CACNA1I: variants seen among roughly 807,000 people sequenced by gnomAD.
CACNA1I encodes the protein voltage-dependent T-type calcium channel subunit alpha-1I.
Under a neutral mutation model 201.6 loss-of-function variants are expected in CACNA1I, and 74 were observed. The ratio of observed to expected loss-of-function variants is 0.37; its 90% CI spans 0.30 to 0.45. CACNA1I has a LOEUF of 0.45. Among genes scored for constraint, CACNA1I ranks in the 20% least tolerant of loss-of-function variants. The pLI, the probability that CACNA1I is intolerant of heterozygous loss-of-function variation, is 1.00. For synonymous variants in CACNA1I, 1,431 were observed against 1,345.2 expected, an observed-to-expected ratio of 1.06 and a Z score of -1.40; for missense variants, 2,346 against 3,138.1, an observed-to-expected ratio of 0.75 and a Z score of 6.03.
At chr22:39,656,459 C>G in intron 10 of CACNA1I, 2 of 518,132 alleles carry the variant, frequency 3.9e-6, no homozygotes, top group Non-Finnish European at 7.7e-6. Context: ...CTCCCCTAGC[C>G]ACCCCCCACT....
Position 39,685,971 on chromosome 22 carries a change from C to T in CACNA1I, c.6238C>T (p.Leu2080=). The T allele has an allele frequency of 3.2e-6, 4 of 1,257,110 alleles. No individual in the cohort carries two copies. Among genetic ancestry groups the T allele is most frequent in the Non-Finnish European group, 4.0e-6 (4 of 1,007,946 alleles). 77.9% of individuals were successfully genotyped at this position (1,257,110 alleles called of 1,614,324 possible). A position where few individuals can be genotyped will look rare whatever the true frequency, so the allele number is the denominator to read the frequency against. The change falls in exon 37 of 37, where the codon CTG becomes TTG. Residue 2080 remains leucine (L), a synonymous_variant. Coordinates refer to ENST00000402142, the MANE Select transcript of CACNA1I (RefSeq NM_021096.4). This position sits in a 1 kb window ranked among gnomAD's most constrained non-coding sequence, Gnocchi z 5.0. ...CCGGGGCCTCTTCAGCCTGCGGGGG[C>T]TGCGGGCGCATCAGCGCAGCCACAG... ...RGRGLFSLRG[L]RAHQRSHSSG...
chr22:39,673,904 G>T, intron 28 of CACNA1I, 59 bp from the exon 29 acceptor site: 2 of 1,530,540 alleles, frequency 1.3e-6, no homozygotes, highest in East Asian at 2.3e-5. Flanking sequence ...ACACATGCGT[G>T]CACACACACG....
intron 24 of CACNA1I, 31 bp from the exon 25 acceptor site, chr22:39,670,007 G>A (rs1569093551): frequency 6.2e-7 from 1 of 1,611,550 alleles, no homozygotes; most frequent in African/African-American, 1.3e-5. Context: ...GGCCCAATCA[G>A]CCTCCTCAGC....
chr22:39,665,612 C>T lies in CACNA1I; in HGVS notation c.3966C>T (p.Ile1322=). The T allele has an allele frequency of 1.2e-6, 2 of 1,613,766 alleles. No homozygotes were observed. The highest frequency in any genetic ancestry group is 8.5e-7 in the Non-Finnish European group (1 of 1,179,772). ...GTGCCTTCTTCATCATCTTTGGCATCCTGGGAGTGCAGGTGAGGGGTGCCC... is the reference window on the plus strand; with the variant it reads ...GTGCCTTCTTCATCATCTTTGGCATTCTGGGAGTGCAGGTGAGGGGTGCCC... ...ICCAFFIIFG[I]LGVQLFKGKF... is the part of the protein sequence containing the mutation. The change falls in exon 22 of 37, where the codon ATC becomes ATT. Residue 1322 remains isoleucine, a synonymous_variant. Coordinates refer to ENST00000402142, the MANE Select transcript of CACNA1I (RefSeq NM_021096.4). This position sits in a 1 kb window ranked among gnomAD's most constrained non-coding sequence, Gnocchi z 5.5.
At chr22:39,642,697 C>T (rs1013336449) in intron 6 of CACNA1I, 100 bp from the exon 7 acceptor site, 7 of 738,660 alleles carry the variant, frequency 9.5e-6, no homozygotes, top group South Asian at 3.2e-5. Context: ...ATGTGTGATG[C>T]GTTCTGGCAC....
In CACNA1I at chr22:39,648,042, T is replaced by G; in HGVS notation, c.1567+116T>G. The G allele has an allele frequency of 2.3e-6, 2 of 856,622 alleles. No homozygotes were observed. Among genetic ancestry groups the G allele is most frequent in the East Asian group, 2.6e-5 (1 of 37,812 alleles). The allele number at this position is 856,622 out of a possible 1,614,324, so 53.1% of individuals were successfully genotyped here. A position where few individuals can be genotyped will look rare whatever the true frequency, so the allele number is the denominator to read the frequency against. ...GACGGCGCTTGAGCAGCCGCGACCC[T>G]CTGCAGGCCTGTCTCCCTCTATAAA... On this transcript the variant is annotated intron_variant, in intron 9 of 36. Transcript: ENST00000402142. The surrounding 1 kb of genome is among the most constrained non-coding windows in gnomAD (Gnocchi z 5.4).
At position 39,684,376 on chromosome 22, in the gene CACNA1I, G is replaced by T. The variant is rs763258285; in HGVS notation, c.5905G>T (p.Val1969Leu). The change falls in exon 36 of 37, where the codon GTG becomes TTG. Residue 1969 changes from valine to leucine, a missense_variant. Physicochemically the swap from Val to Leu is conservative, Grantham distance 32. Around this residue, in one of 13 missense-constraint regions of CACNA1I, gnomAD observed 441 missense variants for 555.6 expected, o/e 0.79. Transcript: ENST00000402142. The surrounding 1 kb of genome is among the most constrained non-coding windows in gnomAD (Gnocchi z 4.6). ...PMPAEFFHPA[V>L]SASQKGPEKG... ...GCCAGCCGAGTTCTTCCACCCTGCAGTGTCTGCCAGCCAGAAAGGCCCAGA... is the reference window on the plus strand; with the variant it reads ...GCCAGCCGAGTTCTTCCACCCTGCATTGTCTGCCAGCCAGAAAGGCCCAGA... 1.9e-6 allele frequency: 3 copies of T among 1,613,646 alleles called. No individual in the cohort carries two copies. The highest frequency in any genetic ancestry group is 2.5e-6 in the Non-Finnish European group (3 of 1,179,848).
At position 39,659,324 on chromosome 22, in the gene CACNA1I, C is replaced by A; in HGVS notation, c.2331-109C>A. On this transcript the variant is annotated intron_variant, in intron 12 of 36. Coordinates refer to ENST00000402142, the MANE Select transcript of CACNA1I (RefSeq NM_021096.4). This position sits in a 1 kb window ranked among gnomAD's most constrained non-coding sequence, Gnocchi z 4.3. ...TCTCTGTAAAATGGGACCAACGCTGCCCCGCCTCCCCCTGCCCTGCATTTT... is the reference window on the plus strand; with the variant it reads ...TCTCTGTAAAATGGGACCAACGCTGACCCGCCTCCCCCTGCCCTGCATTTT... 1.1e-6 allele frequency: 1 copy of A among 942,506 alleles called. No homozygotes were observed. Among genetic ancestry groups the A allele is most frequent in the Non-Finnish European group, 1.6e-6 (1 of 608,896 alleles). 58.4% of individuals were successfully genotyped at this position (942,506 alleles called of 1,614,324 possible).
At chr22:39,656,880 TC>T (rs1934840916) in intron 10 of CACNA1I, among the ~76,000 whole-genome samples, 1 of 152,158 alleles carries the variant, frequency 6.6e-6, no homozygotes, top group Non-Finnish European at 1.5e-5. Context: ...CGACAGTGCT[TC>T]CTTTCTCTGT....
chr22:39,685,576 C>T lies in CACNA1I; in HGVS notation c.6028-185C>T, dbSNP rs535906049. 2.6e-5 allele frequency among the ~76,000 whole-genome samples: 4 copies of T among 152,094 alleles called. No homozygotes were observed. In the South Asian group the frequency reaches 6.2e-4, roughly 24 times the overall value. On this transcript the variant is annotated intron_variant, in intron 36 of 36. Transcript: ENST00000402142. This position sits in a 1 kb window ranked among gnomAD's most constrained non-coding sequence, Gnocchi z 5.0. The stretch of plus-strand genomic sequence containing the variant: ...TGCTAGCTCCTCTCGGGGGACCTCT[C>T]GGGGCAGGTGAAGGCCCTGCGGTGA...
chr22:39,660,012 T>C (rs1601507188), intron 14 of CACNA1I, among the ~76,000 whole-genome samples, 160 bp downstream of exon 14: 1 of 152,112 alleles, frequency 6.6e-6, no homozygotes, highest in African/African-American at 2.4e-5. Flanking sequence ...CTCTTCATCA[T>C]AGGAAGCATG....
rs568183488 is a variant in CACNA1I at position 39,664,936 on chromosome 22, C to T, written c.3851+13C>T. 94 of 1,609,440 alleles carry T rather than the reference C, an allele frequency of 5.8e-5. No homozygotes were observed. In the East Asian group the frequency reaches 1.9e-3, roughly 32 times the overall value. ...TACGCCCCCTGCGGTGAGGACCCCT[C>T]CTGGGCGGATGGGGGAAAGTGTCAT... is the stretch of plus-strand genomic sequence containing the variant. On this transcript the variant is annotated intron_variant, in intron 21 of 36. Coordinates refer to ENST00000402142, the MANE Select transcript of CACNA1I (RefSeq NM_021096.4).
intron 1 of CACNA1I, among the ~76,000 whole-genome samples, chr22:39,586,462 A>G (rs1252239407): frequency 1.3e-5 from 2 of 152,126 alleles, no homozygotes; most frequent in African/African-American, 4.8e-5. Flanking sequence ...ACTGCAATCC[A>G]GCCTGGGTGA....
chr22:39,657,197 G>A (rs1000911111), intron 10 of CACNA1I, among the ~76,000 whole-genome samples: 24 of 152,114 alleles, frequency 1.6e-4, no homozygotes, highest in Non-Finnish European at 2.2e-4. Context: ...TGAACACTGG[G>A]GTTCTTTGAA....
intron 10 of CACNA1I, chr22:39,656,561 G>A (rs552321579): frequency 2.0e-4 from 101 of 515,006 alleles, no homozygotes; most frequent in Non-Finnish European, 3.3e-4. Context: ...CAGGGACGGT[G>A]CCCTGACTCC....
chr22:39,659,662 G>T lies in CACNA1I; in HGVS notation c.2449-35G>T. The T allele has an allele frequency of 6.2e-7, 1 of 1,612,370 alleles. No homozygotes were observed. The highest frequency in any genetic ancestry group is 8.5e-7 in the Non-Finnish European group (1 of 1,178,716). On this transcript the variant is annotated intron_variant, in intron 13 of 36. Transcript: ENST00000402142. The surrounding 1 kb of genome is among the most constrained non-coding windows in gnomAD (Gnocchi z 4.3). ...CCTTGTAGAGCCTAGCCCTGGACTA[G>T]GGGTACCCCAGGGCTAACTGTGTCT...
At position 39,686,637 on chromosome 22, in the gene CACNA1I, T is replaced by TATATAC. The variant is rs373008427; in HGVS notation, c.*237_*238insCATATA. On this transcript the variant is annotated 3_prime_UTR_variant, in exon 37 of 37. Transcript: ENST00000402142. ...ATATATATATATATGCATATATATA[T>TATATAC]ATATATATATATATATGTGTATACA... 2.0e-5 allele frequency: 3 copies of TATATAC among 146,622 alleles called. No individual in the cohort carries two copies. Among genetic ancestry groups the TATATAC allele is most frequent in the African/African-American group, 5.0e-5 (2 of 39,730 alleles). The allele number at this position is 146,622 out of a possible 1,614,324, so 9.1% of individuals were successfully genotyped here.
intron 24 of CACNA1I, among the ~76,000 whole-genome samples, chr22:39,668,647 G>C (rs566930373): frequency 1.3e-4 from 20 of 152,318 alleles, no homozygotes; most frequent in African/African-American, 4.8e-4. Context: ...CTGCCTGGAA[G>C]GGTGCAGAGC....
At chr22:39,610,626 C>A (rs1202273752) in intron 3 of CACNA1I, among the ~76,000 whole-genome samples, 1 of 152,198 alleles carries the variant, frequency 6.6e-6, no homozygotes, top group Non-Finnish European at 1.5e-5. Flanking sequence ...AACCCTGAAT[C>A]TGGTTTAAGG....
Sources: gnomAD v4.1 joint callset for allele counts (sites outside exome capture counted in the v4.1 genomes callset) on GRCh38, gnomAD v4.1.1 for gene constraint, gnomAD v4.1.1 regional missense constraint, Gnocchi (gnomAD v3.1) non-coding constraint, MANE v1.5 for transcripts, NCBI Gene and HGNC (gene_info 2026-07-23, HGNC 2026-07-21) for gene names.